The following ZNF536 variants were observed in gnomAD, a reference collection of about 807,000 sequenced individuals.
The protein encoded by ZNF536 is zinc finger protein 536.
In ZNF536, 13 loss-of-function variants were observed where a neutral mutation model predicts 84.5. The observed-to-expected ratio is 0.15, with a 90% CI of 0.10 to 0.24. The LOEUF (loss-of-function observed/expected upper bound fraction) is 0.24, where lower values mean the gene tolerates loss of function less well. Among genes scored for constraint, ZNF536 ranks in the 10% least tolerant of loss-of-function variants. The pLI, the probability that ZNF536 is intolerant of heterozygous loss-of-function variation, is 1.00. For synonymous variants in ZNF536, 811 were observed against 742.5 expected (o/e 1.09, Z -1.50); for missense variants, 1,536 against 1,747.5 (o/e 0.88, Z 2.16).
At chr19:30,459,566 G>A (rs1487754739) in intron 2 of ZNF536, among the ~76,000 whole-genome samples, 1 of 152,066 alleles carries the variant, frequency 6.6e-6, no homozygotes, top group Non-Finnish European at 1.5e-5. Context: ...GGCCAGGCTG[G>A]TCTCGAACTC....
intron 1 of ZNF536, among the ~76,000 whole-genome samples, chr19:30,670,301 G>C (rs1022395303): frequency 6.6e-6 from 1 of 152,238 alleles, no homozygotes; most frequent in Admixed American, 6.5e-5. Context: ...CAGCATGCCT[G>C]AGTTCGAATC....
Position 30,558,044 on chromosome 19 carries a change from A to T in ZNF536, c.*880A>T, listed in dbSNP as rs540770231. 11 of 152,662 alleles carry T rather than the reference A, an allele frequency of 7.2e-5. No individual in the cohort carries two copies. Among genetic ancestry groups the T allele is most frequent in the Admixed American group, 7.2e-4 (11 of 15,302 alleles). 9.5% of individuals were successfully genotyped at this position (152,662 alleles called of 1,614,324 possible). ...TCTTGGTATTGCTAATAAAAAAAAA[A>T]AGCTGTGAAACATTAGTGCAGTTTG... On this transcript the variant is annotated 3_prime_UTR_variant, in exon 5 of 5. Coordinates refer to ENST00000355537, the MANE Select transcript of ZNF536 (RefSeq NM_014717.3).
In ZNF536 at chr19:30,597,483, A is replaced by G. The variant is rs141919570; in HGVS notation, c.169+47969A>G. Among the ~76,000 whole-genome samples the G allele has an allele frequency of 7.9e-5, 12 of 152,334 alleles. No homozygotes were observed. The East Asian group carries it at 1.9e-3, about 25-fold the overall frequency. ...TGCAGGACATCACAGAAGTCAGCCT[A>G]TAGGTGATGCTCTGTAAATCTCAGT... On this transcript the variant is annotated intron_variant, in intron 1 of 1. Transcript: ENST00000592773.
chr19:30,618,449 C>T (rs987170582), intron 1 of ZNF536, among the ~76,000 whole-genome samples: 3 of 152,000 alleles, frequency 2.0e-5, no homozygotes, highest in Admixed American at 6.6e-5. Flanking sequence ...TGGATATATC[C>T]GTTTCACTAT....
intron 1 of ZNF536, among the ~76,000 whole-genome samples, chr19:30,634,025 GC>G (rs1296256968): frequency 1.3e-5 from 2 of 152,096 alleles, no homozygotes; most frequent in Non-Finnish European, 2.9e-5. Context: ...AAGTGACACT[GC>G]CCCTGCCCCC....
In ZNF536 at chr19:30,375,295, C is replaced by A. The variant is rs893702189; in HGVS notation, c.-3+2739C>A. On this transcript the variant is annotated intron_variant, in intron 1 of 4. Coordinates refer to ENST00000355537, the MANE Select transcript of ZNF536 (RefSeq NM_014717.3). ...CCCGCGCCCGGGCCCCGCGAGCGGC[C>A]GCACTTCACCTTACGGAGGGGAGAT... Among the ~76,000 whole-genome samples, 5 of 151,052 alleles carry A rather than the reference C, an allele frequency of 3.3e-5. No individual in the cohort carries two copies. The East Asian group carries it at 5.9e-4, about 18-fold the overall frequency.
intron 1 of ZNF536, among the ~76,000 whole-genome samples, chr19:30,594,544 C>T (rs1164772612): frequency 6.6e-6 from 1 of 152,216 alleles, no homozygotes; most frequent in Non-Finnish European, 1.5e-5. Context: ...TTGCTTGACT[C>T]ACCACATGAC....
intron 1 of ZNF536, among the ~76,000 whole-genome samples, chr19:30,574,939 G>A (rs1006604729): frequency 8.5e-5 from 13 of 152,218 alleles, no homozygotes; most frequent in South Asian, 2.1e-4. Context: ...GCCATGCATC[G>A]GAAAGTGATG....
At position 30,633,910 on chromosome 19, in the gene ZNF536, T is replaced by C. The variant is rs2048975276; in HGVS notation, c.170-76847T>C. On this transcript the variant is annotated intron_variant, in intron 1 of 1. Transcript: ENST00000592773. ...TTAAACACCCCCTAAGGATCTTTAA[T>C]TTTAAAGATGTCATCTTTTTCTTTT... is the stretch of plus-strand genomic sequence containing the variant. 2.0e-5 allele frequency among the ~76,000 whole-genome samples: 3 copies of C among 152,122 alleles called. No homozygotes were observed. In the South Asian group the frequency reaches 6.2e-4, roughly 32 times the overall value.
At chr19:30,325,412 C>G (rs973711772) in intron 2 of ZNF536, among the ~76,000 whole-genome samples, 1 of 152,200 alleles carries the variant, frequency 6.6e-6, no homozygotes, top group Non-Finnish European at 1.5e-5. Flanking sequence ...AAGCTGCTCC[C>G]TTTTGGTGGT....
chr19:30,453,767 C>T (rs889954108), intron 2 of ZNF536, among the ~76,000 whole-genome samples: 15 of 152,210 alleles, frequency 9.9e-5, no homozygotes, highest in African/African-American at 2.7e-4. Context: ...GGGGCCATGC[C>T]GAAAGCAAGG....
intron 2 of ZNF536, among the ~76,000 whole-genome samples, chr19:30,460,252 G>T (rs147619663): frequency 6.6e-6 from 1 of 152,340 alleles, no homozygotes; most frequent in Admixed American, 6.5e-5. Context: ...GTGGGAAAGA[G>T]AGAATGCCAG....
Position 30,362,009 on chromosome 19 carries a change from C to T in ZNF536, c.-3+9525C>T, listed in dbSNP as rs897585240. On this transcript the variant is annotated intron_variant, in intron 3 of 5. Transcript: ENST00000585628. ...AAAAAGGAGGCACATTAACCCATGA[C>T]GCCTCACTGCTGCTGCTGGTCCTAC... Among the ~76,000 whole-genome samples, 8 of 129,382 alleles carry T rather than the reference C, an allele frequency of 6.2e-5. 1 individual carries two copies. Among genetic ancestry groups the T allele is most frequent in the African/African-American group, 1.1e-4 (4 of 35,740 alleles). The allele number at this position is 129,382 out of a possible 152,430, so 84.9% of individuals were successfully genotyped here.
rs2050535880 is a variant in ZNF536, at chr19:30,412,509, T to C, written c.-2-31052T>C. ...ATCTTGAATTATTGGGGGTAAACTC[T>C]AGTTGTTCTTTAATAAATTATGTGA... On this transcript the variant is annotated intron_variant, in intron 1 of 4. Coordinates refer to ENST00000355537, the MANE Select transcript of ZNF536 (RefSeq NM_014717.3). 2.0e-5 allele frequency among the ~76,000 whole-genome samples: 3 copies of C among 152,042 alleles called. No individual in the cohort carries two copies. In the South Asian group the frequency reaches 6.2e-4, roughly 31 times the overall value.
chr19:30,391,307 T>C (rs1600527423), intron 1 of ZNF536, among the ~76,000 whole-genome samples: 1 of 152,234 alleles, frequency 6.6e-6, no homozygotes, highest in East Asian at 1.9e-4. Flanking sequence ...CTGGCTGCAG[T>C]GGTGCACACC....
chr19:30,415,284 C>CCTCCTTCTTCTTCTTCTTCTTCTT (rs1555750650), intron 1 of ZNF536, among the ~76,000 whole-genome samples: 27 of 120,066 alleles, frequency 2.2e-4, no homozygotes, highest in Non-Finnish European at 3.7e-4. Context: ...TCCTCCTCCT[C>CCTCCTTCTTCTTCTTCTTCTTCTT]CTTCTTCTTC....
intron 1 of ZNF536, among the ~76,000 whole-genome samples, chr19:30,679,008 T>G (rs2050863843): frequency 6.6e-6 from 1 of 152,044 alleles, no homozygotes; most frequent in Non-Finnish European, 1.5e-5. Flanking sequence ...AGTGAATAGC[T>G]GCAGGATCCC....
chr19:30,252,354 G>A (rs2024660728), intron 1 of ZNF536, among the ~76,000 whole-genome samples: 1 of 152,194 alleles, frequency 6.6e-6, no homozygotes, highest in South Asian at 2.1e-4. Flanking sequence ...GGCCCTGGCT[G>A]GCTGTGGCTG....
At chr19:30,278,562 T>C (rs2045324482) in intron 1 of ZNF536, among the ~76,000 whole-genome samples, 1 of 152,164 alleles carries the variant, frequency 6.6e-6, no homozygotes, top group Non-Finnish European at 1.5e-5. Flanking sequence ...CAGAACCTTT[T>C]GGTGAACACA....
Sources: allele counts gnomAD v4.1 joint callset (sites outside exome capture counted in the v4.1 genomes callset), GRCh38; gene constraint gnomAD v4.1.1; transcripts MANE v1.5; gene names NCBI Gene and HGNC (gene_info 2026-07-23, HGNC 2026-07-21).